MAST4: variants seen among roughly 807,000 people sequenced by gnomAD.
MAST4 encodes the protein microtubule-associated serine/threonine-protein kinase 4.
A neutral mutation model predicts 162.7 loss-of-function variants in MAST4; 89 were observed. That is an observed-to-expected ratio of 0.55 (90% CI 0.46 to 0.65). MAST4 has a LOEUF of 0.65. Ranked by LOEUF, MAST4 falls within the 30% of genes least tolerant of loss-of-function variation. MAST4 has a pLI of 0.00. For missense variants in MAST4, 3,153 were observed against 3,374.0 expected (o/e 0.93, Z 1.62); for synonymous variants, 1,479 against 1,361.1 (o/e 1.09, Z -1.91).
chr5:67,136,734 TTTG>T (rs1268018677), intron 19 of MAST4, 70 bp downstream of exon 19: 15 of 1,258,474 alleles, frequency 1.2e-5, no homozygotes, highest in Non-Finnish European at 1.6e-5. Flanking sequence ...CTCTGAAGCT[TTTG>T]TTGTTGTTTT....
Position 67,166,257 on chromosome 5 carries a change from C to T in MAST4, c.7078C>T (p.Gln2360Ter), listed in dbSNP as rs1453034238. 6.4e-7 allele frequency: 1 copy of T among 1,553,102 alleles called. No individual in the cohort carries two copies. The highest frequency in any genetic ancestry group is 2.0e-5 in the Admixed American group (1 of 51,082). ...CAGACAGACAGACAAAAGCCCGAGT[C>T]AGCCGGCCGCCAACACCGACAGAAG... Reference protein sequence around the residue: ...DNRQTDKSPSQPAANTDRRAE... With the variant: ...DNRQTDKSPS Residue 2360 changes from glutamine to a stop codon, truncating the protein, a stop_gained, in exon 29 of 29, where the codon CAG (glutamine) becomes TAG (stop). Transcript: ENST00000403625. LOFTEE classifies it low-confidence loss of function (END_TRUNC).
intron 1 of MAST4, among the ~76,000 whole-genome samples, chr5:66,640,991 C>T (rs886811474): frequency 1.3e-5 from 2 of 152,070 alleles, no homozygotes; most frequent in Non-Finnish European, 2.9e-5. Context: ...CACCTGTTAG[C>T]CATTTGAATT....
At chr5:66,966,398 T>C (rs1339277239) in intron 4 of MAST4, among the ~76,000 whole-genome samples, 1 of 152,230 alleles carries the variant, frequency 6.6e-6, no homozygotes, top group Non-Finnish European at 1.5e-5. Context: ...TTAGTTACAG[T>C]GCTGCTAATA....
At chr5:67,060,432 G>A (rs1759418035) in intron 5 of MAST4, among the ~76,000 whole-genome samples, 1 of 150,772 alleles carries the variant, frequency 6.6e-6, no homozygotes, top group Non-Finnish European at 1.5e-5. Flanking sequence ...AACAGGGTAA[G>A]CAGATATTCC....
chr5:67,079,288 T>C (rs1248838511), intron 5 of MAST4, among the ~76,000 whole-genome samples: 2 of 151,970 alleles, frequency 1.3e-5, no homozygotes, highest in Non-Finnish European at 2.9e-5. Flanking sequence ...AAGGTGATAA[T>C]AGAGATTTAG....
chr5:66,715,437 A>T (rs1239102106), intron 1 of MAST4, among the ~76,000 whole-genome samples: 1 of 147,196 alleles, frequency 6.8e-6, no homozygotes, highest in Non-Finnish European at 1.5e-5. Context: ...CTATCACAAC[A>T]CTTCTTTCAT....
At chr5:67,122,437 C>G (rs1453846683) in intron 14 of MAST4, among the ~76,000 whole-genome samples, 1 of 152,074 alleles carries the variant, frequency 6.6e-6, no homozygotes, top group Non-Finnish European at 1.5e-5. Flanking sequence ...CTTATAAATG[C>G]TTTCTGATGT....
chr5:66,735,873 A>C (rs965088608), intron 1 of MAST4, among the ~76,000 whole-genome samples: 3 of 152,186 alleles, frequency 2.0e-5, no homozygotes, highest in Non-Finnish European at 2.9e-5. Flanking sequence ...CATTTCTTTC[A>C]CAGGTGACAA....
rs79201159 is a variant in MAST4, at chr5:66,629,679, T to C, written c.363+32661T>C. 5.4e-3 allele frequency among the ~76,000 whole-genome samples: 815 copies of C among 152,312 alleles called. 9 individuals carry two copies. The highest frequency in any genetic ancestry group is 0.019 in the African/African-American group (778 of 41,578). On this transcript the variant is annotated intron_variant, in intron 1 of 28. Coordinates refer to ENST00000403625, the MANE Select transcript of MAST4 (RefSeq NM_001164664.2). ...GATATTGTCAGACCACAAGGAATCG[T>C]CTGCCCATGGCCTCTGGGCTGCTGG...
intron 1 of MAST4, among the ~76,000 whole-genome samples, chr5:66,687,530 GTA>G (rs1371693176): frequency 6.6e-6 from 1 of 150,438 alleles, no homozygotes; most frequent in African/African-American, 2.5e-5. Context: ...GTGTACATGT[GTA>G]TATATGTATG....
At chr5:66,974,861 T>C (rs1481588819) in intron 4 of MAST4, among the ~76,000 whole-genome samples, 1 of 152,180 alleles carries the variant, frequency 6.6e-6, no homozygotes. Flanking sequence ...CTAGCTGAGA[T>C]GATAAGAATT....
chr5:66,803,594 AGATT>A (rs1000118755), intron 3 of MAST4, among the ~76,000 whole-genome samples: 7 of 152,212 alleles, frequency 4.6e-5, no homozygotes, highest in African/African-American at 1.7e-4. Flanking sequence ...ATCCTTTGTT[AGATT>A]ATTTTTAATA....
intron 1 of MAST4, among the ~76,000 whole-genome samples, chr5:66,598,099 G>A (rs917964622): frequency 1.3e-5 from 2 of 152,078 alleles, no homozygotes; most frequent in African/African-American, 4.8e-5. Flanking sequence ...GCAATCAGAG[G>A]CCCCCAGCCT....
intron 1 of MAST4, among the ~76,000 whole-genome samples, chr5:66,638,481 G>T (rs1399881335): frequency 6.6e-6 from 1 of 152,072 alleles, no homozygotes; most frequent in African/African-American, 2.4e-5. Flanking sequence ...AGTGTTTTAG[G>T]TTTTTAAAAA....
intron 3 of MAST4, among the ~76,000 whole-genome samples, chr5:66,864,902 G>T (rs1212799089): frequency 6.6e-6 from 1 of 152,226 alleles, no homozygotes; most frequent in Non-Finnish European, 1.5e-5. Context: ...AGATGGCTTA[G>T]ATGAGGTTGA....
intron 6 of MAST4, among the ~76,000 whole-genome samples, chr5:67,094,661 G>T (rs138405643): frequency 6.6e-6 from 1 of 152,214 alleles, no homozygotes; most frequent in South Asian, 2.1e-4. Flanking sequence ...GAATGCCAGA[G>T]ATTTCAGAAA....
chr5:66,938,713 AG>A (rs1484494991), intron 4 of MAST4, among the ~76,000 whole-genome samples: 6 of 152,214 alleles, frequency 3.9e-5, no homozygotes, highest in African/African-American at 1.4e-4. Flanking sequence ...ACCCTCTTGT[AG>A]AAAATAACAT....
intron 21 of MAST4, among the ~76,000 whole-genome samples, chr5:67,143,334 G>C (rs1450277690): frequency 6.7e-6 from 1 of 149,012 alleles, no homozygotes; most frequent in African/African-American, 2.5e-5. Flanking sequence ...ATATTGAAAA[G>C]GCAGTAGGAA....
intron 5 of MAST4, among the ~76,000 whole-genome samples, chr5:67,055,929 G>A (rs879365797): frequency 8.6e-5 from 13 of 151,742 alleles, no homozygotes; most frequent in Admixed American, 5.9e-4. Context: ...CAACAAAAGC[G>A]AGTCACAAAA....
Sources: allele counts gnomAD v4.1 joint callset (sites outside exome capture counted in the v4.1 genomes callset), GRCh38; gene constraint gnomAD v4.1.1; transcripts MANE v1.5; gene names NCBI Gene and HGNC (gene_info 2026-07-23, HGNC 2026-07-21).